NLGN1: variants seen among roughly 807,000 people sequenced by gnomAD.
NLGN1 encodes the protein neuroligin 1.
NLGN1 carries 12 observed loss-of-function variants against 65.5 expected under a neutral mutation model. The observed-to-expected ratio is 0.18, with a 90% CI of 0.12 to 0.30. The LOEUF (loss-of-function observed/expected upper bound fraction) is 0.30. Among genes scored for constraint, NLGN1 ranks in the 10% least tolerant of loss-of-function variants. NLGN1 has a pLI of 1.00. For synonymous variants in NLGN1, 350 were observed against 359.5 expected (o/e 0.97, Z 0.30); for missense variants, 750 against 1,007.1 (o/e 0.74, Z 3.46).
intron 3 of NLGN1, among the ~76,000 whole-genome samples, chr3:173,730,988 T>C (rs1227703680): frequency 6.6e-6 from 1 of 152,084 alleles, no homozygotes; most frequent in East Asian, 1.9e-4. Flanking sequence ...ATATGTGCCT[T>C]GAGAAATCCC....
chr3:173,550,826 A>C (rs184687537), intron 2 of NLGN1, among the ~76,000 whole-genome samples: 22 of 152,266 alleles, frequency 1.4e-4, no homozygotes, highest in Non-Finnish European at 1.8e-4. Context: ...ATAGACATTG[A>C]ATGGCTGTGA....
chr3:174,149,366 TTTC>T (rs1227951308), intron 4 of NLGN1, among the ~76,000 whole-genome samples: 1 of 152,132 alleles, frequency 6.6e-6, no homozygotes. Context: ...TTTGAAATGC[TTTC>T]TTCTTCTGAC....
intron 4 of NLGN1, among the ~76,000 whole-genome samples, chr3:173,909,249 A>G (rs1226134368): frequency 3.9e-5 from 6 of 152,132 alleles, no homozygotes; most frequent in Admixed American, 3.9e-4. Flanking sequence ...AGACAATGGC[A>G]TTTGGCACCT....
chr3:173,995,124 A>G (rs752221548), intron 4 of NLGN1, among the ~76,000 whole-genome samples: 2 of 152,202 alleles, frequency 1.3e-5, no homozygotes, highest in African/African-American at 2.4e-5. Context: ...TTGCTTGCAT[A>G]TGAGAGAAAT....
chr3:173,474,863 CAGG>C (rs1370422415), intron 2 of NLGN1, among the ~76,000 whole-genome samples: 7 of 151,818 alleles, frequency 4.6e-5, no homozygotes, highest in African/African-American at 1.7e-4. Context: ...GAGGCTGAGG[CAGG>C]AGAATTGCTT....
intron 4 of NLGN1, among the ~76,000 whole-genome samples, chr3:174,056,629 C>T (rs1736163433): frequency 6.6e-6 from 1 of 151,952 alleles, no homozygotes; most frequent in African/African-American, 2.4e-5. Context: ...TTTATAGTCA[C>T]TCCTCAAAGA....
chr3:173,611,634 A>C (rs759577602), intron 3 of NLGN1, among the ~76,000 whole-genome samples: 1 of 152,030 alleles, frequency 6.6e-6, no homozygotes, highest in Non-Finnish European at 1.5e-5. Context: ...ATGTCTTCTA[A>C]AAGCTAAACA....
At chr3:173,496,826 T>C (rs1730102155) in intron 2 of NLGN1, among the ~76,000 whole-genome samples, 1 of 151,906 alleles carries the variant, frequency 6.6e-6, no homozygotes, top group African/African-American at 2.4e-5. Flanking sequence ...AGAGATCTTA[T>C]TATTAATATT....
chr3:173,431,664 A>G (rs1434653832), intron 1 of NLGN1, among the ~76,000 whole-genome samples: 1 of 152,146 alleles, frequency 6.6e-6, no homozygotes, highest in Non-Finnish European at 1.5e-5. Context: ...CTCTTCTATT[A>G]TCAGCATCCT....
intron 4 of NLGN1, among the ~76,000 whole-genome samples, chr3:174,208,089 T>A (rs1055571145): frequency 6.6e-6 from 1 of 152,174 alleles, no homozygotes; most frequent in African/African-American, 2.4e-5. Flanking sequence ...CATGAATGGA[T>A]GATATAAAAT....
intron 4 of NLGN1, among the ~76,000 whole-genome samples, chr3:173,859,932 A>T (rs1030219549): frequency 3.3e-5 from 5 of 151,956 alleles, no homozygotes; most frequent in African/African-American, 1.2e-4. Context: ...TTCTAACTTT[A>T]AAAAATGTGT....
At chr3:174,100,832 GA>G (rs1404411952) in intron 4 of NLGN1, among the ~76,000 whole-genome samples, 1 of 151,834 alleles carries the variant, frequency 6.6e-6, no homozygotes, top group African/African-American at 2.4e-5. Flanking sequence ...GTTCACCAGA[GA>G]AAGTCTCAAT....
chr3:173,954,246 T>C (rs993786437), intron 4 of NLGN1, among the ~76,000 whole-genome samples: 1 of 152,152 alleles, frequency 6.6e-6, no homozygotes, highest in African/African-American at 2.4e-5. Context: ...GAATAGTAAA[T>C]GGCTTATGTA....
At chr3:173,566,412 T>C (rs1577306863) in intron 2 of NLGN1, among the ~76,000 whole-genome samples, 2 of 152,186 alleles carry the variant, frequency 1.3e-5, no homozygotes, top group East Asian at 3.8e-4. Context: ...ACAAATCTTA[T>C]GCAAATTAAG....
At position 173,539,715 on chromosome 3, in the gene NLGN1, T is replaced by G. The variant is rs13353404; in HGVS notation, c.-320-64564T>G. On this transcript the variant is annotated intron_variant, in intron 2 of 6. Coordinates refer to ENST00000457714, the Ensembl canonical transcript of NLGN1. ...GTACATATGCACATATATACATATATGTACATATGCACATATATACATATA... is the reference window on the plus strand; with the variant it reads ...GTACATATGCACATATATACATATAGGTACATATGCACATATATACATATA... Among the ~76,000 whole-genome samples the G allele has an allele frequency of 9.4e-4, 116 of 122,984 alleles. 1 individual carries two copies. The highest frequency in any genetic ancestry group is 1.2e-3 in the Admixed American group (14 of 12,118). 80.7% of individuals were successfully genotyped at this position (122,984 alleles called of 152,430 possible). A position where few individuals can be genotyped will look rare whatever the true frequency, so the allele number is the denominator to read the frequency against.
At chr3:173,965,625 C>A in intron 4 of NLGN1, among the ~76,000 whole-genome samples, 1 of 151,932 alleles carries the variant, frequency 6.6e-6, no homozygotes, top group East Asian at 1.9e-4. Context: ...CTGGCCCATT[C>A]CTAAAACATT....
intron 3 of NLGN1, among the ~76,000 whole-genome samples, chr3:173,802,322 T>C (rs1209302735): frequency 6.6e-6 from 1 of 152,124 alleles, no homozygotes; most frequent in African/African-American, 2.4e-5. Context: ...TATTAAAATG[T>C]CAGGTAGTAT....
At chr3:173,655,996 C>T (rs1461740818) in intron 3 of NLGN1, among the ~76,000 whole-genome samples, 1 of 152,052 alleles carries the variant, frequency 6.6e-6, no homozygotes, top group East Asian at 1.9e-4. Flanking sequence ...CTCAAGAGCC[C>T]TGTTAAAGAA....
intron 3 of NLGN1, among the ~76,000 whole-genome samples, chr3:173,677,431 T>C (rs1188908524): frequency 6.6e-6 from 1 of 152,062 alleles, no homozygotes; most frequent in African/African-American, 2.4e-5. Flanking sequence ...GCTTGGTTTT[T>C]ATTTACTTTA....
Sources: gnomAD v4.1 joint callset for allele counts (sites outside exome capture counted in the v4.1 genomes callset) on GRCh38, gnomAD v4.1.1 for gene constraint, MANE v1.5 for transcripts, NCBI Gene and HGNC (gene_info 2026-07-23, HGNC 2026-07-21) for gene names.